The following OXNAD1 variants were observed in gnomAD, a reference collection of about 807,000 sequenced individuals.
OXNAD1 encodes the protein oxidoreductase NAD-binding domain-containing protein 1.
In OXNAD1, 34 loss-of-function variants were observed where a neutral mutation model predicts 32.9. That is an observed-to-expected ratio of 1.03 (90% CI 0.79 to 1.38). The LOEUF (loss-of-function observed/expected upper bound fraction) is 1.38. Among genes scored for constraint, OXNAD1 ranks in the 40% most tolerant of loss-of-function variants. The pLI is 0.00. For synonymous variants in OXNAD1, 134 were observed against 135.2 expected (o/e 0.99, Z 0.06); for missense variants, 407 against 379.4 (o/e 1.07, Z -0.60).
intron 9 of OXNAD1, among the ~76,000 whole-genome samples, chr3:16,313,886 C>T (rs540907302): frequency 2.6e-5 from 4 of 152,260 alleles, no homozygotes; most frequent in Admixed American, 6.5e-5. Context: ...AGCAATGCAC[C>T]TGCCTTTCTT....
At position 16,284,062 on chromosome 3, in the gene OXNAD1, G is replaced by A. The variant is rs143644658; in HGVS notation, c.184-2280G>A. ...TGATTGTCTCAGTAGAGGAAGAGAC[G>A]AAAGGCAAGATTTCTAAAATATATT... is the stretch of plus-strand genomic sequence containing the variant. On this transcript the variant is annotated intron_variant, in intron 4 of 8. Coordinates refer to ENST00000285083, the MANE Select transcript of OXNAD1 (RefSeq NM_138381.5). The surrounding 1 kb of genome is among the most constrained non-coding windows in gnomAD (Gnocchi z 4.1). Among the ~76,000 whole-genome samples, 214 of 152,244 alleles carry A rather than the reference G, an allele frequency of 1.4e-3. No individual in the cohort carries two copies. Among genetic ancestry groups the A allele is most frequent in the African/African-American group, 4.9e-3 (204 of 41,520 alleles).
chr3:16,275,566 CT>C (rs1220629875), intron 4 of OXNAD1: 2 of 153,538 alleles, frequency 1.3e-5, no homozygotes, highest in Non-Finnish European at 2.9e-5. Context: ...AAGACCCTGT[CT>C]CTTTAAAAAA....
At chr3:16,338,117 G>A (rs2071034746), downstream of OXNAD1, among the ~76,000 whole-genome samples, 1 of 152,222 alleles carries the variant, frequency 6.6e-6, no homozygotes, top group Non-Finnish European at 1.5e-5. The surrounding 1 kb of genome is among the most constrained non-coding windows in gnomAD (Gnocchi z 5.3). Flanking sequence ...GGGACACGCT[G>A]GGTGATCTGG....
At chr3:16,323,945 A>C (rs552223021) in intron 9 of OXNAD1, among the ~76,000 whole-genome samples, 17 of 152,286 alleles carry the variant, frequency 1.1e-4, no homozygotes, top group Non-Finnish European at 4.4e-5. Flanking sequence ...ACTGCACAGC[A>C]CCAGGCGGGC....
In OXNAD1 at chr3:16,329,392, AG is replaced by A. The variant is rs1032214103; in HGVS notation, c.*31-7717del. Among the ~76,000 whole-genome samples the A allele has an allele frequency of 2.0e-5, 3 of 152,080 alleles. No homozygotes were observed. Among genetic ancestry groups the A allele is most frequent in the African/African-American group, 7.2e-5 (3 of 41,412 alleles). On this transcript the variant is annotated intron_variant, in intron 9 of 9. Transcript: ENST00000435829. The surrounding 1 kb of genome is among the most constrained non-coding windows in gnomAD (Gnocchi z 4.5). ...TTAATAAAGGAAGGCGGAAGGGAGG[AG>A]GGAAGGGAGGAAAGGAGAGAGAGGT...
In OXNAD1 at chr3:16,301,115, A is replaced by G. The variant is rs1162303365; in HGVS notation, c.433-511A>G. Among the ~76,000 whole-genome samples, 1 of 152,212 alleles carries G rather than the reference A, an allele frequency of 6.6e-6. No individual in the cohort carries two copies. Among genetic ancestry groups the G allele is most frequent in the Non-Finnish European group, 1.5e-5 (1 of 68,034 alleles). Reference sequence around the variant, plus strand: ...CTGAACAGTACTACAGGGCTGGTCTAAGCCTGTAGAGCTGGTCTGGCTGTG... The same window carrying G: ...CTGAACAGTACTACAGGGCTGGTCTGAGCCTGTAGAGCTGGTCTGGCTGTG... On this transcript the variant is annotated intron_variant, in intron 6 of 8. Coordinates refer to ENST00000285083, the MANE Select transcript of OXNAD1 (RefSeq NM_138381.5). The surrounding 1 kb of genome is among the most constrained non-coding windows in gnomAD (Gnocchi z 4.1).
chr3:16,270,841 C>A, intron 2 of OXNAD1, 104 bp from the exon 3 acceptor site: 1 of 1,508,856 alleles, frequency 6.6e-7, no homozygotes, highest in Middle Eastern at 1.9e-4. Flanking sequence ...CTCATAATAG[C>A]ACCAACAGAA....
rs377200609 is a variant in OXNAD1, at chr3:16,271,767, T to C, written c.183+45T>C. 2.6e-6 allele frequency: 4 copies of C among 1,528,414 alleles called. No homozygotes were observed. In the East Asian group the frequency reaches 9.1e-5, roughly 35 times the overall value. The allele number at this position is 1,528,414 out of a possible 1,614,324, so 94.7% of individuals were successfully genotyped here. ...GACAGGTTTTTCCAGCTAGACCGTT[T>C]ACATGTGGTTATGACTGGCTTATGG... is the stretch of plus-strand genomic sequence containing the variant. On this transcript the variant is annotated intron_variant, in intron 4 of 8. Transcript: ENST00000285083. The surrounding 1 kb of genome is among the most constrained non-coding windows in gnomAD (Gnocchi z 4.6).
chr3:16,266,074 A>G (rs1413192867), intron 1 of OXNAD1, among the ~76,000 whole-genome samples: 1 of 152,204 alleles, frequency 6.6e-6, no homozygotes, highest in Non-Finnish European at 1.5e-5. Flanking sequence ...ATTGTAGTGA[A>G]AAAGCACTTT....
At chr3:16,307,757 T>C (rs2067665746), downstream of OXNAD1, among the ~76,000 whole-genome samples, 2 of 128,482 alleles carry the variant, frequency 1.6e-5, no homozygotes, top group African/African-American at 6.5e-5. Flanking sequence ...TGAAGTAATT[T>C]TAGATTTACA....
At chr3:16,351,436 G>A (rs2072095757), downstream of OXNAD1, among the ~76,000 whole-genome samples, 1 of 152,188 alleles carries the variant, frequency 6.6e-6, no homozygotes, top group Non-Finnish European at 1.5e-5. This position sits in a 1 kb window ranked among gnomAD's most constrained non-coding sequence, Gnocchi z 5.4. Context: ...GAAATAAAAT[G>A]GGGGTTAACT....
intron 9 of OXNAD1, among the ~76,000 whole-genome samples, chr3:16,324,621 C>A (rs896293569): frequency 2.2e-5 from 3 of 136,484 alleles, no homozygotes; most frequent in African/African-American, 8.0e-5. Context: ...TGACCCCCCC[C>A]CTTTTAAGGT....
chr3:16,269,378 G>A, intron 2 of OXNAD1, 103 bp downstream of exon 2: 1 of 1,257,644 alleles, frequency 8.0e-7, no homozygotes, highest in Non-Finnish European at 1.1e-6. Context: ...AGGTTGAAGA[G>A]GCCTTCTGCT....
intron 5 of OXNAD1, among the ~76,000 whole-genome samples, chr3:16,292,532 T>G (rs547041074): frequency 6.6e-6 from 1 of 152,238 alleles, no homozygotes; most frequent in Non-Finnish European, 1.5e-5. Flanking sequence ...AGCACAGAGT[T>G]TTAAATTTTG....
At position 16,335,421 on chromosome 3, in the gene OXNAD1, G is replaced by A. The variant is rs151184835; in HGVS notation, c.*31-1691G>A. On this transcript the variant is annotated intron_variant, in intron 9 of 9. Transcript: ENST00000435829. The surrounding 1 kb of genome is among the most constrained non-coding windows in gnomAD (Gnocchi z 4.7). ...ACATTTTCTTTATCCAGTCCATAATGCTATGCAGCCTTAAAAAGGAACGAA... is the reference window on the plus strand; with the variant it reads ...ACATTTTCTTTATCCAGTCCATAATACTATGCAGCCTTAAAAAGGAACGAA... 6.6e-5 allele frequency among the ~76,000 whole-genome samples: 10 copies of A among 152,350 alleles called. No individual in the cohort carries two copies. The East Asian group carries it at 1.9e-3, about 29-fold the overall frequency.
At chr3:16,318,983 G>A (rs1349370986) in intron 9 of OXNAD1, among the ~76,000 whole-genome samples, 1 of 152,176 alleles carries the variant, frequency 6.6e-6, no homozygotes, top group African/African-American at 2.4e-5. Flanking sequence ...ACCCACCAGA[G>A]GAGGCCCCTG....
At chr3:16,349,303 A>C (rs1203544750) in exon 10 of OXNAD1, 2 of 152,274 alleles carry the variant, frequency 1.3e-5, no homozygotes, top group African/African-American at 4.8e-5. Context: ...TTGTCACCCT[A>C]AGATAAAAGT....
chr3:16,323,072 G>A (rs2069257619), intron 9 of OXNAD1, among the ~76,000 whole-genome samples: 1 of 152,208 alleles, frequency 6.6e-6, no homozygotes, highest in African/African-American at 2.4e-5. Flanking sequence ...GGCTGCAGCT[G>A]ACTTCGTGCC....
rs1023433048 is a variant in OXNAD1 at position 16,316,598 on chromosome 3, C to G, written c.*30+13006C>G. The G allele has an allele frequency of 9.9e-6, 6 of 606,284 alleles. No homozygotes were observed. The African/African-American group carries it at 1.1e-4, about 11-fold the overall frequency. The allele number at this position is 606,284 out of a possible 1,614,324, so 37.6% of individuals were successfully genotyped here. ...CATGAGGGCTAGAATAACCTGACCT[C>G]TTGCATTCTAACACTGGGTCATTAA... is the stretch of plus-strand genomic sequence containing the variant. On this transcript the variant is annotated intron_variant, in intron 9 of 9. Transcript: ENST00000435829. The surrounding 1 kb of genome is among the most constrained non-coding windows in gnomAD (Gnocchi z 4.5).
Sources: gnomAD v4.1 joint callset for allele counts (sites outside exome capture counted in the v4.1 genomes callset) on GRCh38, gnomAD v4.1.1 for gene constraint, Gnocchi (gnomAD v3.1) non-coding constraint, MANE v1.5 for transcripts, NCBI Gene and HGNC (gene_info 2026-07-23, HGNC 2026-07-21) for gene names.